The following LHX4 variants were observed in gnomAD, a reference collection of about 807,000 sequenced individuals.
LHX4 encodes LIM homeobox 4.
A neutral mutation model predicts 39.2 loss-of-function variants in LHX4; 16 were observed. The ratio of observed to expected loss-of-function variants is 0.41; its 90% CI spans 0.28 to 0.62. LHX4 has a LOEUF of 0.62. Ranked by LOEUF, LHX4 falls within the 20% of genes least tolerant of loss-of-function variation. The pLI, the probability that LHX4 is intolerant of heterozygous loss-of-function variation, is 0.33. For missense variants in LHX4, 439 were observed against 511.9 expected (o/e 0.86, Z 1.37); for synonymous variants, 206 against 198.1 (o/e 1.04, Z -0.33).
Position 180,271,989 on chromosome 1 carries a change from G to A in LHX4, c.761G>A (p.Ser254Asn). ...SSAEDCGVSDSELSFREDQIL... is the reference protein window; with the variant it reads ...SSAEDCGVSDNELSFREDQIL... ...GCAGAGGACTGTGGGGTTAGTGACA[G>A]TGAGCTGAGCTTCCGAGGTGAGCAG... is the stretch of plus-strand genomic sequence containing the variant. Residue 254 changes from serine to asparagine, a missense_variant, in exon 5 of 6, where the codon AGT becomes AAT. Transcript: ENST00000263726. 6.2e-7 allele frequency: 1 copy of A among 1,612,826 alleles called. No homozygotes were observed. Among genetic ancestry groups the A allele is most frequent in the Non-Finnish European group, 8.5e-7 (1 of 1,179,734 alleles).
At chr1:180,237,891 T>C (rs1664361502) in intron 1 of LHX4, among the ~76,000 whole-genome samples, 1 of 152,194 alleles carries the variant, frequency 6.6e-6, no homozygotes, top group African/African-American at 2.4e-5. Flanking sequence ...AAATACATTG[T>C]AGAGATTTAG....
At chr1:180,242,469 A>G (rs1243568554) in intron 1 of LHX4, among the ~76,000 whole-genome samples, 2 of 152,006 alleles carry the variant, frequency 1.3e-5, no homozygotes, top group Non-Finnish European at 2.9e-5. Context: ...GTATATAAGT[A>G]TGGTGTGGGC....
In LHX4 at chr1:180,266,242, G is replaced by A; in HGVS notation, c.249-150G>A. 1.4e-6 allele frequency: 1 copy of A among 736,074 alleles called. No homozygotes were observed. Among genetic ancestry groups the A allele is most frequent in the Non-Finnish European group, 2.4e-6 (1 of 419,516 alleles). 45.6% of individuals were successfully genotyped at this position (736,074 alleles called of 1,614,324 possible). ...AGCAATGAAGCTAGATGGAGGCAGA[G>A]AGGACCAGACGGTAAGCTCTGGGTG... On this transcript the variant is annotated intron_variant, in intron 2 of 5. Transcript: ENST00000263726. This position sits in a 1 kb window ranked among gnomAD's most constrained non-coding sequence, Gnocchi z 5.7.
At position 180,271,895 on chromosome 1, in the gene LHX4, C is replaced by T. The variant is rs754434517; in HGVS notation, c.667C>T (p.Arg223Cys). 1.7e-5 allele frequency: 27 copies of T among 1,613,406 alleles called. No homozygotes were observed. The highest frequency in any genetic ancestry group is 1.0e-4 in the Admixed American group (6 of 59,952). Residue 223 changes from arginine (R) to cysteine (C), a missense_variant, in exon 5 of 6, where the codon CGC becomes TGC. Arg to Cys is a radical substitution (Grantham distance 180). Transcript: ENST00000263726. ...KRLKKDAGRH[R>C]WGQFYKSVKR... The stretch of plus-strand genomic sequence containing the variant: ...CCTGAAGAAGGATGCAGGGCGGCAC[C>T]GCTGGGGGCAGTTCTATAAGAGCGT...
chr1:180,242,608 C>T lies in LHX4; in HGVS notation c.77-5677C>T, dbSNP rs188147246. ...GCTTAGGTCTATGCCTCGACTATGT[C>T]CCTCTGCATGACTAGGAATGCTCTG... On this transcript the variant is annotated intron_variant, in intron 1 of 5. Transcript: ENST00000263726. 5.9e-3 allele frequency among the ~76,000 whole-genome samples: 895 copies of T among 152,170 alleles called. 5 individuals are homozygous for T. Among genetic ancestry groups the T allele is most frequent in the Non-Finnish European group, 9.5e-3 (646 of 68,000 alleles).
chr1:180,264,372 AC>A (rs1648225594), intron 2 of LHX4, among the ~76,000 whole-genome samples: 1 of 103,702 alleles, frequency 9.6e-6, no homozygotes, highest in Non-Finnish European at 1.9e-5. Context: ...TTATACACAC[AC>A]ACATAACACA....
chr1:180,245,878 C>A (rs1647363158), intron 1 of LHX4, among the ~76,000 whole-genome samples: 1 of 152,188 alleles, frequency 6.6e-6, no homozygotes, highest in Admixed American at 6.5e-5. Flanking sequence ...CGTGTCCTGC[C>A]CATGCCCTCA....
At position 180,266,863 on chromosome 1, in the gene LHX4, G is replaced by A. The variant is rs1648340893; in HGVS notation, c.451+269G>A. Among the ~76,000 whole-genome samples the A allele has an allele frequency of 6.6e-6, 1 of 152,254 alleles. No homozygotes were observed. The highest frequency in any genetic ancestry group is 6.5e-5 in the Admixed American group (1 of 15,282). On this transcript the variant is annotated intron_variant, in intron 3 of 5. Transcript: ENST00000263726. The surrounding 1 kb of genome is among the most constrained non-coding windows in gnomAD (Gnocchi z 5.7). ...TGTCTCCATGGTAGGCTCAGAAGCA[G>A]CCAAGAACCTGGTTGTTACCATGGT...
At chr1:180,254,480 T>C (rs1348133951) in intron 2 of LHX4, among the ~76,000 whole-genome samples, 1 of 152,182 alleles carries the variant, frequency 6.6e-6, no homozygotes, top group South Asian at 2.1e-4. Flanking sequence ...GCTGCTCCCA[T>C]TTATCTCCGC....
chr1:180,246,478 G>A (rs748076926), intron 1 of LHX4, among the ~76,000 whole-genome samples: 6 of 152,204 alleles, frequency 3.9e-5, no homozygotes, highest in East Asian at 1.9e-4. Flanking sequence ...TTGGGAGGCC[G>A]AGGCAGGCGG....
At chr1:180,260,308 C>T (rs1352798034) in intron 2 of LHX4, among the ~76,000 whole-genome samples, 2 of 151,754 alleles carry the variant, frequency 1.3e-5, no homozygotes, top group Non-Finnish European at 2.9e-5. Flanking sequence ...TCGGAACTTA[C>T]CATCAGGAAT....
At chr1:180,269,787 C>CCTCAGAA (rs1648526623) in intron 3 of LHX4, 1 of 152,214 alleles carries the variant, frequency 6.6e-6, no homozygotes, top group Admixed American at 6.5e-5. Context: ...GGGACAGACT[C>CCTCAGAA]CTCAGAATGA....
chr1:180,249,620 G>A (rs745434392), intron 2 of LHX4, among the ~76,000 whole-genome samples: 3 of 152,218 alleles, frequency 2.0e-5, no homozygotes, highest in Non-Finnish European at 4.4e-5. Flanking sequence ...TGGGGGTTGA[G>A]GGGGAGTAAT....
chr1:180,237,732 C>T (rs1323372146), intron 1 of LHX4, among the ~76,000 whole-genome samples: 3 of 152,114 alleles, frequency 2.0e-5, no homozygotes, highest in Non-Finnish European at 2.9e-5. Context: ...GTATAATTTG[C>T]TTTAATTATG....
chr1:180,270,218 A>C (rs533674835), intron 3 of LHX4: 1 of 152,368 alleles, frequency 6.6e-6, no homozygotes, highest in African/African-American at 2.4e-5. Context: ...GTCCTTAGTC[A>C]ACACCAGCAC....
In LHX4 at chr1:180,232,615, A is replaced by G. The variant is rs1231769510; in HGVS notation, c.76+2010A>G. Among the ~76,000 whole-genome samples, 1 of 152,166 alleles carries G rather than the reference A, an allele frequency of 6.6e-6. No homozygotes were observed. The highest frequency in any genetic ancestry group is 2.4e-5 in the African/African-American group (1 of 41,426). On this transcript the variant is annotated intron_variant, in intron 1 of 5. Transcript: ENST00000263726. This position sits in a 1 kb window ranked among gnomAD's most constrained non-coding sequence, Gnocchi z 5.4. ...GTCCGAGTTTCGTGACCTTGGTTGG[A>G]GGAGGCATCGGCCAAAATTGAGGGG... is the stretch of plus-strand genomic sequence containing the variant.
At position 180,271,976 on chromosome 1, in the gene LHX4, G is replaced by A; in HGVS notation, c.748G>A (p.Gly250Arg). The change falls in exon 5 of 6, where the codon GGG becomes AGG. Residue 250 changes from glycine (G) to arginine (R), a missense_variant. Coordinates refer to ENST00000263726, the MANE Select transcript of LHX4 (RefSeq NM_033343.4). ...QEKESSAEDC[G>R]VSDSELSFRE... is the part of the protein sequence containing the mutation. ...GAAGGAGAGCTCTGCAGAGGACTGT[G>A]GGGTTAGTGACAGTGAGCTGAGCTT... is the stretch of plus-strand genomic sequence containing the variant. 1 of 1,613,088 alleles carries A rather than the reference G, an allele frequency of 6.2e-7. No homozygotes were observed. The highest frequency in any genetic ancestry group is 8.5e-7 in the Non-Finnish European group (1 of 1,179,836).
chr1:180,242,679 A>C (rs1664468409), intron 1 of LHX4, among the ~76,000 whole-genome samples: 1 of 152,128 alleles, frequency 6.6e-6, no homozygotes, highest in South Asian at 2.1e-4. Flanking sequence ...TATGTGGTTT[A>C]GCATTTCCAA....
chr1:180,249,912 A>AGT (rs750852550), intron 2 of LHX4, among the ~76,000 whole-genome samples: 1 of 127,846 alleles, frequency 7.8e-6, no homozygotes, highest in Admixed American at 7.2e-5. Context: ...TGTGTGTGAC[A>AGT]GTGTGTGTGA....
Sources: gnomAD v4.1 joint callset for allele counts (sites outside exome capture counted in the v4.1 genomes callset) on GRCh38, gnomAD v4.1.1 for gene constraint, Gnocchi (gnomAD v3.1) non-coding constraint, MANE v1.5 for transcripts, NCBI Gene and HGNC (gene_info 2026-07-23, HGNC 2026-07-21) for gene names.